AMPD1: variants seen among roughly 807,000 people sequenced by gnomAD.
AMPD1 encodes adenosine monophosphate deaminase 1.
Under a neutral mutation model 82.9 loss-of-function variants are expected in AMPD1, and 74 were observed. The ratio of observed to expected loss-of-function variants is 0.89; its 90% CI spans 0.74 to 1.08. The LOEUF is 1.08. Ranked by LOEUF, AMPD1 falls within the 50% of genes least tolerant of loss-of-function variation. The probability of loss-of-function intolerance (pLI) is 0.00; values close to 1 mark genes in which losing one functional copy is unlikely to be tolerated. For missense variants in AMPD1, 881 were observed against 924.5 expected, an observed-to-expected ratio of 0.95 and a Z score of 0.61; for synonymous variants, 333 against 320.5, an observed-to-expected ratio of 1.04 and a Z score of -0.42.
chr1:114,689,356 TA>T (rs1415175569), intron 2 of AMPD1, among the ~76,000 whole-genome samples: 1 of 152,226 alleles, frequency 6.6e-6, no homozygotes, highest in Non-Finnish European at 1.5e-5. Flanking sequence ...TAACATTTAC[TA>T]CCAAGTGCTG....
chr1:114,689,833 C>A (rs1179774972), intron 2 of AMPD1, among the ~76,000 whole-genome samples: 1 of 151,894 alleles, frequency 6.6e-6, no homozygotes, highest in Non-Finnish European at 1.5e-5. Flanking sequence ...GAAAAGAAAA[C>A]CAGTGTCATC....
rs528347938 is a variant in AMPD1, at chr1:114,688,420, G to A, written c.215+141C>T. The A allele has an allele frequency of 2.9e-5, 28 of 980,670 alleles. 3 individuals are homozygous for A. The South Asian group carries it at 3.7e-4, about 13-fold the overall frequency. 60.7% of individuals were successfully genotyped at this position (980,670 alleles called of 1,614,324 possible). ...TGGGATTACATTTGTGAGCCACTGTGCCCAGTCTTAGGAATTGCTAACTCT... is the reference window on the plus strand; with the variant it reads ...TGGGATTACATTTGTGAGCCACTGTACCCAGTCTTAGGAATTGCTAACTCT... On this transcript the variant is annotated intron_variant, in intron 3 of 15. Coordinates refer to ENST00000520113, the MANE Select transcript of AMPD1 (RefSeq NM_000036.3).
Position 114,675,409 on chromosome 1 carries a change from G to A in AMPD1, c.1679+121C>T, listed in dbSNP as rs966546890. ...AAAAAGTTAAGAGAAAGAAATTTCT[G>A]ATTTGGGCCAATTGGAACCATCACA... On this transcript the variant is annotated intron_variant, in intron 12 of 15. Coordinates refer to ENST00000520113, the MANE Select transcript of AMPD1 (RefSeq NM_000036.3). The A allele has an allele frequency of 1.4e-5, 15 of 1,108,898 alleles. No individual in the cohort carries two copies. In the African/African-American group the frequency reaches 2.2e-4, roughly 16 times the overall value. 68.7% of individuals were successfully genotyped at this position (1,108,898 alleles called of 1,614,324 possible).
rs756521034 is a variant in AMPD1 at position 114,673,912 on chromosome 1, G to A, written c.1971C>T (p.Thr657=). Residue 657 remains threonine (T), a synonymous_variant, in exon 14 of 16, where the codon ACC becomes ACT. Transcript: ENST00000520113. ...STDDPMQFHF[T]KEPLMEEYAI... is the part of the protein sequence containing the mutation. Reference sequence around the variant, plus strand: ...ATTGCCCAAGTCCATACTATACCTTGGTAAAGTGGAATTGCATTGGGTCAT... The same window carrying A: ...ATTGCCCAAGTCCATACTATACCTTAGTAAAGTGGAATTGCATTGGGTCAT... 9 of 1,613,878 alleles carry A rather than the reference G, an allele frequency of 5.6e-6. No homozygotes were observed. The highest frequency in any genetic ancestry group is 7.6e-6 in the Non-Finnish European group (9 of 1,179,860).
chr1:114,675,676 ACT>A lies in AMPD1; in HGVS notation c.1531_1532del (p.Ser511CysfsTer3), dbSNP rs1166643096. On this transcript the variant is annotated frameshift_variant, in exon 12 of 16. Coordinates refer to ENST00000520113, the MANE Select transcript of AMPD1 (RefSeq NM_000036.3). LOFTEE classifies it high-confidence loss of function. ...VFLKHITGFD[S>X]VDDESKHSGH... ...CACTGTGTTTGGACTCATCATCCAC[ACT>A]GTCAAAGCCAGTGATCTGTTAGGAA... 6.2e-7 allele frequency: 1 copy of A among 1,614,080 alleles called. No individual in the cohort carries two copies. The highest frequency in any genetic ancestry group is 8.5e-7 in the Non-Finnish European group (1 of 1,180,030).
At chr1:114,690,240 C>T (rs913688207) in intron 2 of AMPD1, among the ~76,000 whole-genome samples, 6 of 152,200 alleles carry the variant, frequency 3.9e-5, no homozygotes, top group African/African-American at 1.4e-4. Flanking sequence ...ATACTAATAC[C>T]TACCCAACCT....
chr1:114,684,266 T>C lies in AMPD1; in HGVS notation c.480A>G (p.Lys160=). Residue 160 remains lysine, a synonymous_variant, in exon 5 of 16, where the codon AAA becomes AAG. Coordinates refer to ENST00000520113, the MANE Select transcript of AMPD1 (RefSeq NM_000036.3). ...TGTTCCGCAAGTATTTGGAAGGGGT[T>C]TTAGGGAACCTCTGAAACGACTTCT... ...YMQKSFQRFP[K]TPSKYLRNID... is the part of the protein sequence containing the mutation. 5.6e-6 allele frequency: 9 copies of C among 1,614,158 alleles called. No individual in the cohort carries two copies. Among genetic ancestry groups the C allele is most frequent in the Non-Finnish European group, 6.8e-6 (8 of 1,180,038 alleles).
chr1:114,693,438 TTC>T lies in AMPD1; in HGVS notation c.30_31del (p.Lys11ThrfsTer3), dbSNP rs1353938919. The stretch of plus-strand genomic sequence containing the variant: ...AGCAAAAGTAATGCAATACTCACGT[TTC>T]TCTTCAGCTGTATGAAGTAAAATAA... On this transcript the variant is annotated frameshift_variant, in exon 2 of 16. Transcript: ENST00000520113. LOFTEE classifies it high-confidence loss of function. 1 of 1,609,366 alleles carries T rather than the reference TTC, an allele frequency of 6.2e-7. No individual in the cohort carries two copies. Among genetic ancestry groups the T allele is most frequent in the Admixed American group, 1.7e-5 (1 of 59,974 alleles).
At position 114,688,738 on chromosome 1, in the gene AMPD1, A is replaced by G. The variant is rs746784216; in HGVS notation, c.38T>C (p.Ile13Thr). Residue 13 changes from isoleucine (I) to threonine (T), a missense_variant, in exon 3 of 16, where the codon ATT (isoleucine) becomes ACT (threonine). Physicochemically the swap from Ile to Thr is moderately conservative, Grantham distance 89. Coordinates refer to ENST00000520113, the MANE Select transcript of AMPD1 (RefSeq NM_000036.3). ...LFKLPAEEKQ[I>T]DDAMRNFAEK... ...AGCAAAGTTGCGCATTGCATCATCA[A>G]TTTCTAAAAGAGGTTTTCACATATT... 1 of 1,614,158 alleles carries G rather than the reference A, an allele frequency of 6.2e-7. No homozygotes were observed. Among genetic ancestry groups the G allele is most frequent in the South Asian group, 1.1e-5 (1 of 91,086 alleles).
At chr1:114,677,650 A>G in intron 9 of AMPD1, 136 bp from the exon 10 acceptor site, 1 of 1,257,204 alleles carries the variant, frequency 8.0e-7, no homozygotes, top group Non-Finnish European at 1.1e-6. Flanking sequence ...TCAAAACCAC[A>G]CCCTTAATTT....
chr1:114,686,750 A>G lies in AMPD1; in HGVS notation c.376T>C (p.Ser126Pro), dbSNP rs1183959177. 4.3e-6 allele frequency: 7 copies of G among 1,613,942 alleles called. No individual in the cohort carries two copies. In the Admixed American group the frequency reaches 1.2e-4, roughly 27 times the overall value. The change falls in exon 4 of 16, where the codon TCT becomes CCT. Residue 126 changes from serine to proline, a missense_variant. Physicochemically the swap from Ser to Pro is moderately conservative, Grantham distance 74 (BLOSUM62 -1). This residue lies in a region of AMPD1 where 783 missense variants were observed against 786.4 expected (regional missense o/e 1.00). Transcript: ENST00000520113. Reference protein sequence around the residue: ...QRVQITGDYASGVTVEDFEIV... With the variant: ...QRVQITGDYAPGVTVEDFEIV... ...AGTGGCAAGGACCAACTCACCCCAG[A>G]GGCATAGTCACCAGTAATCTGCACT...
chr1:114,679,852 A>G (rs1570842747), intron 6 of AMPD1, 144 bp from the exon 7 acceptor site: 3 of 974,290 alleles, frequency 3.1e-6, no homozygotes, highest in Non-Finnish European at 4.8e-6. Flanking sequence ...AGTTAATCCC[A>G]CTGAGAAGTA....
intron 2 of AMPD1, among the ~76,000 whole-genome samples, chr1:114,689,359 C>G (rs533968712): frequency 1.3e-5 from 2 of 152,240 alleles, no homozygotes; most frequent in South Asian, 4.1e-4. Flanking sequence ...CATTTACTAC[C>G]AAGTGCTGGA....
chr1:114,694,313 C>A (rs1226836212), intron 1 of AMPD1, among the ~76,000 whole-genome samples: 5 of 151,968 alleles, frequency 3.3e-5, no homozygotes, highest in Non-Finnish European at 7.4e-5. Flanking sequence ...AATATGCAGT[C>A]TTTTAAAATG....
At chr1:114,687,110 T>C in intron 3 of AMPD1, 200 bp from the exon 4 acceptor site, 1 of 647,328 alleles carries the variant, frequency 1.5e-6, no homozygotes, top group Non-Finnish European at 2.8e-6. Context: ...CTCTCCCTGG[T>C]CTACCTTGGA....
chr1:114,675,832 C>A (rs371376353), intron 11 of AMPD1, 45 bp downstream of exon 11: 2 of 1,613,566 alleles, frequency 1.2e-6, no homozygotes, highest in African/African-American at 2.7e-5. Flanking sequence ...GGTAGGAAGG[C>A]TGGTTCATGA....
chr1:114,677,540 G>A, intron 9 of AMPD1, 26 bp from the exon 10 acceptor site: 1 of 1,613,582 alleles, frequency 6.2e-7, no homozygotes, highest in Non-Finnish European at 8.5e-7. Context: ...AGAAGTCCAA[G>A]CCAGGGATTC....
chr1:114,682,874 G>T (rs1388607111), intron 5 of AMPD1, among the ~76,000 whole-genome samples: 1 of 152,118 alleles, frequency 6.6e-6, no homozygotes. Flanking sequence ...CACCGCGCCT[G>T]GCCTCAAAAA....
intron 5 of AMPD1, among the ~76,000 whole-genome samples, chr1:114,682,197 A>G (rs1658177890): frequency 6.6e-6 from 1 of 152,222 alleles, no homozygotes; most frequent in Admixed American, 6.5e-5. Flanking sequence ...TGATGCCCAC[A>G]GCAGCCAAAG....
Sources: gnomAD v4.1 joint callset for allele counts (sites outside exome capture counted in the v4.1 genomes callset) on GRCh38, gnomAD v4.1.1 for gene constraint, gnomAD v4.1.1 regional missense constraint, MANE v1.5 for transcripts, NCBI Gene and HGNC (gene_info 2026-07-23, HGNC 2026-07-21) for gene names.